The following NTRK3 variants were observed in gnomAD, a reference collection of about 807,000 sequenced individuals.
The protein encoded by NTRK3 is NT-3 growth factor receptor.
NTRK3 carries 24 observed loss-of-function variants against 91.7 expected under a neutral mutation model. That is an observed-to-expected ratio of 0.26 (90% confidence interval 0.19 to 0.37). NTRK3 has a LOEUF of 0.37. Among genes scored for constraint, NTRK3 ranks in the 10% least tolerant of loss-of-function variants. NTRK3 has a pLI of 1.00. For missense variants in NTRK3, 880 were observed against 1,068.9 expected (o/e 0.82, Z 2.46); for synonymous variants, 483 against 404.0 (o/e 1.20, Z -2.34).
At chr15:88,087,652 G>A (rs982090951) in intron 13 of NTRK3, among the ~76,000 whole-genome samples, 10 of 152,194 alleles carry the variant, frequency 6.6e-5, no homozygotes, top group Non-Finnish European at 1.3e-4. Flanking sequence ...CCCACAAAGG[G>A]TCATACCTGC....
intron 13 of NTRK3, among the ~76,000 whole-genome samples, chr15:88,093,585 C>CA (rs2049255523): frequency 1.3e-5 from 2 of 152,156 alleles, no homozygotes; most frequent in African/African-American, 4.8e-5. Context: ...ATCTCAAAGT[C>CA]ATGTTATTTC....
rs1453099590 is a variant in NTRK3, at chr15:88,033,179, T to C, written c.1397-134A>G. ...TTTTTTACTTTTGGGGGGTGTGTTATATATATATATATATATATATATATA... is the reference window on the plus strand; with the variant it reads ...TTTTTTACTTTTGGGGGGTGTGTTACATATATATATATATATATATATATA... On this transcript the variant is annotated intron_variant, in intron 13 of 18. Transcript: ENST00000394480. 59 of 42,470 alleles carry C rather than the reference T, an allele frequency of 1.4e-3. 2 individuals carry two copies. In the East Asian group the frequency reaches 0.018, roughly 13 times the overall value. 2.6% of individuals were successfully genotyped at this position (42,470 alleles called of 1,614,324 possible). A position where few individuals can be genotyped will look rare whatever the true frequency, so the allele number is the denominator to read the frequency against.
chr15:87,899,745 G>A (rs1181970431), intron 17 of NTRK3, among the ~76,000 whole-genome samples: 1 of 152,208 alleles, frequency 6.6e-6, no homozygotes, highest in East Asian at 1.9e-4. Context: ...GCAAAGGGTA[G>A]TCGGATGCAC....
At chr15:87,932,786 T>G (rs2068920135) in intron 16 of NTRK3, among the ~76,000 whole-genome samples, 1 of 152,180 alleles carries the variant, frequency 6.6e-6, no homozygotes, top group Non-Finnish European at 1.5e-5. Flanking sequence ...AAGAATAGTA[T>G]AGGATACTTA....
intron 14 of NTRK3, among the ~76,000 whole-genome samples, chr15:87,982,363 G>A (rs2074362326): frequency 6.6e-6 from 1 of 151,440 alleles, no homozygotes; most frequent in African/African-American, 2.5e-5. Context: ...CACTGGTAAA[G>A]GGGTAAATGG....
At chr15:87,900,730 T>TGTGC (rs1292724469) in intron 17 of NTRK3, among the ~76,000 whole-genome samples, 12 of 150,886 alleles carry the variant, frequency 8.0e-5, no homozygotes, top group African/African-American at 2.9e-4. Context: ...TGTGTGTGTG[T>TGTGC]GCTGTAGGCA....
intron 14 of NTRK3, among the ~76,000 whole-genome samples, chr15:87,986,406 G>A (rs1438655075): frequency 6.6e-6 from 1 of 152,190 alleles, no homozygotes; most frequent in Non-Finnish European, 1.5e-5. Context: ...GAACCCATGT[G>A]AGTTCACATA....
intron 14 of NTRK3, among the ~76,000 whole-genome samples, chr15:88,030,154 G>A (rs2078394973): frequency 6.6e-6 from 1 of 152,176 alleles, no homozygotes; most frequent in African/African-American, 2.4e-5. Context: ...GGCATTGTTT[G>A]TTTTCCCCTG....
Position 88,242,129 on chromosome 15 carries a change from C to T in NTRK3, c.248+13777G>A, listed in dbSNP as rs2052416139. On this transcript the variant is annotated intron_variant, in intron 3 of 18. Transcript: ENST00000394480. ...CACTGATGCGTGGCTTTCCTCCCTC[C>T]CTGTCTCACTTCCGCTCTCCCTCCC... 2.6e-5 allele frequency among the ~76,000 whole-genome samples: 4 copies of T among 152,224 alleles called. No individual in the cohort carries two copies. The South Asian group carries it at 8.3e-4, about 31-fold the overall frequency.
intron 14 of NTRK3, chr15:87,979,029 T>A (rs1264926940): frequency 2.2e-6 from 1 of 458,984 alleles, no homozygotes; most frequent in Admixed American, 3.7e-5. Context: ...AGAGAATGGC[T>A]AGTGTATTTA....
At chr15:88,209,663 G>A (rs1392493586) in intron 3 of NTRK3, among the ~76,000 whole-genome samples, 1 of 152,224 alleles carries the variant, frequency 6.6e-6, no homozygotes, top group East Asian at 1.9e-4. Context: ...AGGAACAGCA[G>A]GGACTGCCCA....
At chr15:88,128,764 C>T in intron 10 of NTRK3, 30 bp from the exon 11 acceptor site, 1 of 1,607,676 alleles carries the variant, frequency 6.2e-7, no homozygotes, top group Non-Finnish European at 8.5e-7. Context: ...AGATAATTAA[C>T]AAATTTAATA....
intron 3 of NTRK3, among the ~76,000 whole-genome samples, chr15:88,208,980 G>A (rs1217183207): frequency 6.6e-6 from 1 of 152,228 alleles, no homozygotes; most frequent in Non-Finnish European, 1.5e-5. Flanking sequence ...GACATACAGA[G>A]TTGAGTGGGA....
chr15:88,135,525 A>T, intron 9 of NTRK3, 128 bp from the exon 10 acceptor site: 1 of 1,062,018 alleles, frequency 9.4e-7, no homozygotes, highest in South Asian at 1.4e-5. Flanking sequence ...GGGAAGCAGA[A>T]GTCCCACCAC....
intron 13 of NTRK3, among the ~76,000 whole-genome samples, chr15:88,084,172 G>A (rs2048302711): frequency 6.7e-6 from 1 of 150,370 alleles, no homozygotes; most frequent in Non-Finnish European, 1.5e-5. Context: ...AAAGGAACTT[G>A]AGCGCTCAGG....
intron 14 of NTRK3, among the ~76,000 whole-genome samples, chr15:87,972,103 G>A (rs2073308166): frequency 1.3e-5 from 2 of 152,178 alleles, no homozygotes; most frequent in African/African-American, 4.8e-5. Context: ...CCTTCTCACT[G>A]CAGAATGAAC....
exon 19 of NTRK3, chr15:87,859,915 C>G (rs894111085): frequency 5.4e-6 from 1 of 185,160 alleles, no homozygotes; most frequent in African/African-American, 2.3e-5. Context: ...ATTTACAACT[C>G]TCACTTATGA....
intron 14 of NTRK3, among the ~76,000 whole-genome samples, chr15:88,011,080 T>C (rs572702843): frequency 3.9e-5 from 6 of 152,282 alleles, no homozygotes; most frequent in African/African-American, 1.2e-4. Flanking sequence ...TATTTTCTTA[T>C]CCAGTATTAT....
At chr15:88,072,593 AG>A (rs1468783481) in intron 13 of NTRK3, 1 of 232,436 alleles carries the variant, frequency 4.3e-6, no homozygotes, top group Non-Finnish European at 8.5e-6. Flanking sequence ...CAAAAGCTCC[AG>A]GCCATCTAGA....
Sources: allele counts gnomAD v4.1 joint callset (sites outside exome capture counted in the v4.1 genomes callset), GRCh38; gene constraint gnomAD v4.1.1; transcripts MANE v1.5; gene names NCBI Gene and HGNC (gene_info 2026-07-23, HGNC 2026-07-21).